The following GRIK2 variants were observed in gnomAD, a reference collection of about 807,000 sequenced individuals.
GRIK2 encodes the protein glutamate receptor ionotropic, kainate 2.
GRIK2 carries 32 observed loss-of-function variants against 100.3 expected under a neutral mutation model. The observed-to-expected ratio is 0.32, with a 90% CI of 0.24 to 0.43. The LOEUF is 0.43. Ranked by LOEUF, GRIK2 falls within the 20% of genes least tolerant of loss-of-function variation. The pLI, the probability that GRIK2 is intolerant of heterozygous loss-of-function variation, is 1.00. For missense variants in GRIK2, 843 were observed against 1,114.9 expected (o/e 0.76, Z 3.47); for synonymous variants, 417 against 389.4 (o/e 1.07, Z -0.83).
At chr6:101,564,526 A>T (rs1331278267) in intron 2 of GRIK2, among the ~76,000 whole-genome samples, 2 of 152,148 alleles carry the variant, frequency 1.3e-5, no homozygotes, top group Non-Finnish European at 2.9e-5. Context: ...TATGTCTAGC[A>T]AAGACACCAG....
chr6:101,923,502 A>G (rs1789686278), intron 12 of GRIK2, among the ~76,000 whole-genome samples: 1 of 152,206 alleles, frequency 6.6e-6, no homozygotes, highest in African/African-American at 2.4e-5. Flanking sequence ...AAAGTCATCT[A>G]CAACTGGCCT....
At chr6:101,397,727 CT>C (rs1775068779) in intron 1 of GRIK2, among the ~76,000 whole-genome samples, 1 of 152,016 alleles carries the variant, frequency 6.6e-6, no homozygotes, top group African/African-American at 2.4e-5. Flanking sequence ...CATATCACTC[CT>C]TATTTAAAAA....
chr6:101,530,330 C>T (rs1775375305), intron 2 of GRIK2, among the ~76,000 whole-genome samples: 1 of 152,022 alleles, frequency 6.6e-6, no homozygotes, highest in South Asian at 2.1e-4. Flanking sequence ...CTGTTTGAGT[C>T]ATTTACAGCG....
At chr6:101,676,217 G>T (rs1019497302) in intron 4 of GRIK2, among the ~76,000 whole-genome samples, 2 of 152,172 alleles carry the variant, frequency 1.3e-5, no homozygotes, top group African/African-American at 4.8e-5. Context: ...GCCTGCAGGG[G>T]AGTAGAACTG....
chr6:102,053,091 A>AACAC (rs148536098), intron 15 of GRIK2, among the ~76,000 whole-genome samples: 2,581 of 149,344 alleles, frequency 0.017, 43 homozygotes, highest in African/African-American at 0.049. Flanking sequence ...CAACAACAAC[A>AACAC]ACACACACAC....
At position 101,638,447 on chromosome 6, in the gene GRIK2, G is replaced by C. The variant is rs552483174; in HGVS notation, c.541+11810G>C. Among the ~76,000 whole-genome samples, 42 of 151,864 alleles carry C rather than the reference G, an allele frequency of 2.8e-4. 1 individual carries two copies. The South Asian group carries it at 8.7e-3, about 32-fold the overall frequency. ...ATGGGAAGAAATATTGCAGTATTAA[G>C]AAGGGTTGCCAGAAAATACCTTATT... On this transcript the variant is annotated intron_variant, in intron 4 of 16. Coordinates refer to ENST00000369134, the MANE Select transcript of GRIK2 (RefSeq NM_021956.5).
intron 2 of GRIK2, among the ~76,000 whole-genome samples, chr6:101,533,485 A>AT (rs1368085464): frequency 6.6e-6 from 1 of 151,798 alleles, no homozygotes; most frequent in Non-Finnish European, 1.5e-5. Context: ...TGGGAGAAAG[A>AT]TTTTTTTTCA....
intron 11 of GRIK2, among the ~76,000 whole-genome samples, chr6:101,879,359 C>A (rs1433210306): frequency 6.6e-6 from 1 of 151,978 alleles, no homozygotes; most frequent in East Asian, 1.9e-4. Context: ...TCTGGATATA[C>A]CATTCCTTTC....
chr6:101,637,877 T>A (rs1341533900), intron 4 of GRIK2, among the ~76,000 whole-genome samples: 1 of 152,164 alleles, frequency 6.6e-6, no homozygotes, highest in African/African-American at 2.4e-5. Flanking sequence ...GTGCACAAGT[T>A]GTCCTCTCTG....
chr6:101,909,704 G>T (rs1313253197), intron 12 of GRIK2, among the ~76,000 whole-genome samples: 1 of 142,542 alleles, frequency 7.0e-6, no homozygotes, highest in Non-Finnish European at 1.5e-5. Flanking sequence ...AATAATGTGT[G>T]TATGTGTGTA....
Position 101,827,456 on chromosome 6 carries a change from C to A in GRIK2, c.1317+8973C>A, listed in dbSNP as rs532279413. ...TATTTGTTTTTGCTTTAAAACATAG[C>A]CCCACATTGGATTAAAAAAACAAAA... On this transcript the variant is annotated intron_variant, in intron 10 of 16. Transcript: ENST00000369134. Among the ~76,000 whole-genome samples the A allele has an allele frequency of 3.3e-5, 5 of 150,814 alleles. No homozygotes were observed. The East Asian group carries it at 9.7e-4, about 29-fold the overall frequency.
intron 7 of GRIK2, among the ~76,000 whole-genome samples, chr6:101,694,052 G>T (rs1037866622): frequency 1.3e-5 from 2 of 152,066 alleles, no homozygotes; most frequent in African/African-American, 2.4e-5. Flanking sequence ...CCAATGCCCT[G>T]ACAAGAGCAT....
At chr6:101,963,277 G>GTTTTTT (rs1582626095) in intron 14 of GRIK2, among the ~76,000 whole-genome samples, 1 of 59,712 alleles carries the variant, frequency 1.7e-5, no homozygotes, top group Non-Finnish European at 3.4e-5. Context: ...ACTTATTTAG[G>GTTTTTT]ATTTTTTTTT....
chr6:101,975,236 T>C (rs984324717), intron 14 of GRIK2, among the ~76,000 whole-genome samples: 5 of 151,868 alleles, frequency 3.3e-5, no homozygotes, highest in Admixed American at 1.3e-4. Flanking sequence ...TATAAGAATA[T>C]GGGCCTAGAG....
intron 7 of GRIK2, among the ~76,000 whole-genome samples, chr6:101,695,728 G>A (rs1413326311): frequency 6.6e-6 from 1 of 151,962 alleles, no homozygotes; most frequent in Non-Finnish European, 1.5e-5. Context: ...AGTCAGAAAT[G>A]CACTTAATAC....
At chr6:101,474,315 G>C (rs1772113439) in intron 2 of GRIK2, among the ~76,000 whole-genome samples, 1 of 151,690 alleles carries the variant, frequency 6.6e-6, no homozygotes, top group African/African-American at 2.4e-5. Context: ...TATTCATTTG[G>C]AACTGAAGAT....
At position 101,612,383 on chromosome 6, in the gene GRIK2, G is replaced by T. The variant is rs538977506; in HGVS notation, c.116-9566G>T. 1.1e-4 allele frequency among the ~76,000 whole-genome samples: 17 copies of T among 151,968 alleles called. No homozygotes were observed. The South Asian group carries it at 3.5e-3, about 32-fold the overall frequency. On this transcript the variant is annotated intron_variant, in intron 2 of 16. Coordinates refer to ENST00000369134, the MANE Select transcript of GRIK2 (RefSeq NM_021956.5). ...AATAGATTAAAGACAGAAAACGTGA[G>T]TCAAATAAACTTTTTGATGACTTTT...
chr6:101,570,741 C>T (rs1353503201), intron 2 of GRIK2, among the ~76,000 whole-genome samples: 1 of 152,154 alleles, frequency 6.6e-6, no homozygotes, highest in African/African-American at 2.4e-5. Context: ...AAGGTCAAAC[C>T]TTTCCCTGTG....
chr6:102,059,635 C>G (rs1175210143), intron 16 of GRIK2, among the ~76,000 whole-genome samples: 1 of 150,844 alleles, frequency 6.6e-6, no homozygotes, highest in Non-Finnish European at 1.5e-5. Flanking sequence ...GCTTTGTAAG[C>G]AAGAATTATA....
Sources: allele counts gnomAD v4.1 joint callset (sites outside exome capture counted in the v4.1 genomes callset), GRCh38; gene constraint gnomAD v4.1.1; transcripts MANE v1.5; gene names NCBI Gene and HGNC (gene_info 2026-07-23, HGNC 2026-07-21).